The following ABLIM1 variants were observed in gnomAD, a reference collection of about 807,000 sequenced individuals.
The protein encoded by ABLIM1 is actin binding LIM protein 1, also known as actin-binding LIM protein 1.
ABLIM1 carries 40 observed loss-of-function variants against 107.0 expected under a neutral mutation model. The ratio of observed to expected loss-of-function variants is 0.37; its 90% CI spans 0.29 to 0.49. The LOEUF (loss-of-function observed/expected upper bound fraction) is 0.49. Ranked by LOEUF, ABLIM1 falls within the 20% of genes least tolerant of loss-of-function variation. The pLI, the probability that ABLIM1 is intolerant of heterozygous loss-of-function variation, is 0.97. For synonymous variants in ABLIM1, 357 were observed against 357.3 expected (o/e 1.00, Z 0.01); for missense variants, 857 against 1,008.5 (o/e 0.85, Z 2.04).
rs183800990 is a variant in ABLIM1 at position 114,619,462 on chromosome 10, G to A, written c.245-17501C>T. 1.6e-3 allele frequency among the ~76,000 whole-genome samples: 242 copies of A among 152,258 alleles called. 1 individual carries two copies. The highest frequency in any genetic ancestry group is 2.8e-3 in the Admixed American group (43 of 15,286). On this transcript the variant is annotated intron_variant, in intron 1 of 22. Coordinates refer to ENST00000533213, the MANE Select transcript of ABLIM1 (RefSeq NM_002313.7). This position sits in a 1 kb window ranked among gnomAD's most constrained non-coding sequence, Gnocchi z 4.1. ...TTCACCTGCCTTGGCCTCCCAAAGT[G>A]CTAGGATTACAGGCGTGAGCCACTG...
At chr10:114,672,939 G>T (rs934898245) in intron 1 of ABLIM1, among the ~76,000 whole-genome samples, 3 of 152,040 alleles carry the variant, frequency 2.0e-5, no homozygotes, top group African/African-American at 7.2e-5. Context: ...ATTGTTTATG[G>T]ATTCTACTCT....
upstream of ABLIM1, chr10:114,658,279 C>T: frequency 2.0e-6 from 3 of 1,522,044 alleles, no homozygotes; most frequent in African/African-American, 1.4e-5. Context: ...TCTCTCTGTT[C>T]CCCTGGCTCC....
At chr10:114,503,673 T>C (rs1383387296) in intron 6 of ABLIM1, among the ~76,000 whole-genome samples, 3 of 152,176 alleles carry the variant, frequency 2.0e-5, no homozygotes, top group African/African-American at 7.2e-5. Context: ...TATTACAATT[T>C]TAATCCAAGA....
chr10:114,501,092 C>T (rs1427161702), intron 6 of ABLIM1, among the ~76,000 whole-genome samples: 1 of 152,214 alleles, frequency 6.6e-6, no homozygotes, highest in African/African-American at 2.4e-5. Context: ...TCAACTTCTT[C>T]TGTGCCTCAG....
In ABLIM1 at chr10:114,491,012, G is replaced by GTGTGTGTGTGTATATA; in HGVS notation, c.982+778_982+779insTATATACACACACACA. Among the ~76,000 whole-genome samples, 877 of 92,264 alleles carry GTGTGTGTGTGTATATA rather than the reference G, an allele frequency of 9.5e-3. 16 individuals carry two copies. The highest frequency in any genetic ancestry group is 0.029 in the South Asian group (71 of 2,452). 60.5% of individuals were successfully genotyped at this position (92,264 alleles called of 152,430 possible). On this transcript the variant is annotated intron_variant, in intron 7 of 22. Coordinates refer to ENST00000533213, the MANE Select transcript of ABLIM1 (RefSeq NM_002313.7). Reference sequence around the variant, plus strand: ...TGTGTGTGTGTGTGTGTGTGTGTGTGTATATATATATATGGTCTATTTTAT... The same window carrying GTGTGTGTGTGTATATA: ...TGTGTGTGTGTGTGTGTGTGTGTGTGTGTGTGTGTGTATATATATATATATATATGGTCTATTTTAT...
chr10:114,473,016 C>T lies in ABLIM1; in HGVS notation c.1236G>A (p.Ser412=), dbSNP rs1442915071. ...GTCTCTCCTGTTTGTCATCATAGCC[C>T]GAAGTGTAGAAAGGCTCATAGGTAA... ...DLITYEPFYT[S]GYDDKQERQS... is the part of the protein sequence containing the mutation. Residue 412 remains serine (S), a synonymous_variant, in exon 10 of 23, where the codon TCG becomes TCA. Transcript: ENST00000533213. The T allele has an allele frequency of 4.3e-5, 69 of 1,608,488 alleles. No homozygotes were observed. The Admixed American group carries it at 9.8e-4, about 23-fold the overall frequency.
At chr10:114,537,010 C>T (rs1170170171) in intron 6 of ABLIM1, among the ~76,000 whole-genome samples, 2 of 152,110 alleles carry the variant, frequency 1.3e-5, no homozygotes, top group Non-Finnish European at 2.9e-5. Context: ...GTAAACCAAC[C>T]AAGCAGTACA....
At chr10:114,465,872 T>C in intron 11 of ABLIM1, 45 bp from the exon 12 acceptor site, 15 of 1,602,732 alleles carry the variant, frequency 9.4e-6, no homozygotes, top group Non-Finnish European at 1.3e-5. Context: ...CATGCCTCAG[T>C]AGGAACCACG....
chr10:114,548,158 C>A (rs1392238104), intron 4 of ABLIM1, among the ~76,000 whole-genome samples: 1 of 152,192 alleles, frequency 6.6e-6, no homozygotes, highest in Non-Finnish European at 1.5e-5. Context: ...GCACTGTGAA[C>A]AACTCAGCAC....
At chr10:114,675,049 C>T (rs914015425) in intron 1 of ABLIM1, among the ~76,000 whole-genome samples, 1 of 152,034 alleles carries the variant, frequency 6.6e-6, no homozygotes, top group African/African-American at 2.4e-5. Flanking sequence ...ACCAAATGCT[C>T]CCTATGTCCT....
At chr10:114,500,000 G>A (rs1178085585) in intron 6 of ABLIM1, among the ~76,000 whole-genome samples, 7 of 152,218 alleles carry the variant, frequency 4.6e-5, no homozygotes, top group South Asian at 2.1e-4. Context: ...TAATGAGGGC[G>A]TGCCTTGGCC....
At chr10:114,488,117 T>A (rs961886156) in intron 7 of ABLIM1, 101 bp from the exon 8 acceptor site, 2 of 1,242,158 alleles carry the variant, frequency 1.6e-6, no homozygotes, top group African/African-American at 3.0e-5. Flanking sequence ...TCTTTCCCCA[T>A]CATAGGAAGG....
At chr10:114,728,556 C>G (rs561132578) in intron 1 of ABLIM1, among the ~76,000 whole-genome samples, 1 of 137,904 alleles carries the variant, frequency 7.3e-6, no homozygotes, top group East Asian at 2.1e-4. Flanking sequence ...GCAACATGTA[C>G]CAACATGAAT....
At position 114,440,973 on chromosome 10, in the gene ABLIM1, G is replaced by C. The variant is rs773841253; in HGVS notation, c.2059+44C>G. Reference sequence around the variant, plus strand: ...CTTGACTCTCATGAACCTCAGCCTCGAGGGAAGACGTGGCCATGCTCAGCC... The same window carrying C: ...CTTGACTCTCATGAACCTCAGCCTCCAGGGAAGACGTGGCCATGCTCAGCC... On this transcript the variant is annotated intron_variant, in intron 19 of 22. Transcript: ENST00000533213. The C allele has an allele frequency of 9.7e-6, 15 of 1,551,706 alleles. No individual in the cohort carries two copies. In the South Asian group the frequency reaches 1.8e-4, roughly 18 times the overall value.
At chr10:114,494,972 C>T (rs2059477396) in intron 6 of ABLIM1, among the ~76,000 whole-genome samples, 1 of 152,152 alleles carries the variant, frequency 6.6e-6, no homozygotes, top group Non-Finnish European at 1.5e-5. Context: ...TTTTCTTCAA[C>T]CCCCTCATCA....
At chr10:114,678,266 A>G (rs1194352522) in intron 1 of ABLIM1, among the ~76,000 whole-genome samples, 1 of 152,258 alleles carries the variant, frequency 6.6e-6, no homozygotes, top group Non-Finnish European at 1.5e-5. Context: ...TTTTGAAAGA[A>G]TGATGAGTTT....
At chr10:114,497,774 C>G (rs186203802) in intron 6 of ABLIM1, among the ~76,000 whole-genome samples, 1 of 151,630 alleles carries the variant, frequency 6.6e-6, no homozygotes, top group East Asian at 1.9e-4. Context: ...CTGTGGCTAG[C>G]ATGAAACTCT....
chr10:114,752,755 G>C (rs1418168706), intron 1 of ABLIM1, among the ~76,000 whole-genome samples: 2 of 152,156 alleles, frequency 1.3e-5, no homozygotes, highest in South Asian at 4.1e-4. Flanking sequence ...CCATGTCCCT[G>C]AAAAGGACAT....
At chr10:114,721,370 A>C (rs991635578) in intron 1 of ABLIM1, among the ~76,000 whole-genome samples, 7 of 152,122 alleles carry the variant, frequency 4.6e-5, no homozygotes, top group Admixed American at 1.3e-4. Flanking sequence ...TTGAGCATGT[A>C]TGTCTAAGGA....
Sources: gnomAD v4.1 joint callset for allele counts (sites outside exome capture counted in the v4.1 genomes callset) on GRCh38, gnomAD v4.1.1 for gene constraint, Gnocchi (gnomAD v3.1) non-coding constraint, MANE v1.5 for transcripts, NCBI Gene and HGNC (gene_info 2026-07-23, HGNC 2026-07-21) for gene names.